Variants in CATSPERE observed in about 807,000 individuals in gnomAD.
CATSPERE encodes catsper channel auxiliary subunit epsilon, also known as cation channel sperm-associated auxiliary subunit epsilon.
A neutral mutation model predicts 114.1 loss-of-function variants in CATSPERE; 93 were observed. The observed-to-expected ratio is 0.81, with a 90% CI of 0.69 to 0.97. CATSPERE has a LOEUF of 0.97. CATSPERE is among the 50% of genes least tolerant of loss of function. CATSPERE has a pLI of 0.00. For missense variants in CATSPERE, 1,058 were observed against 1,131.6 expected, an observed-to-expected ratio of 0.93 and a Z score of 0.93; for synonymous variants, 341 against 384.1, an observed-to-expected ratio of 0.89 and a Z score of 1.31.
chr1:244,534,553 A>G (rs1207409337), intron 8 of CATSPERE, among the ~76,000 whole-genome samples: 2 of 152,092 alleles, frequency 1.3e-5, no homozygotes, highest in East Asian at 3.9e-4. Flanking sequence ...TGCTATTAAG[A>G]GACTCCGATG....
At chr1:244,478,371 T>C (rs1355066013) in intron 4 of CATSPERE, among the ~76,000 whole-genome samples, 1 of 152,158 alleles carries the variant, frequency 6.6e-6, no homozygotes, top group Non-Finnish European at 1.5e-5. Context: ...GAAGAAAACA[T>C]GAGAATGCAA....
rs67320193 is a variant in CATSPERE at position 244,543,637 on chromosome 1, A to AATAT, written c.537-8674_537-8671dup. Among the ~76,000 whole-genome samples the AATAT allele has an allele frequency of 5.4e-3, 792 of 145,616 alleles. 2 individuals carry two copies. The highest frequency in any genetic ancestry group is 0.013 in the East Asian group (68 of 5,070). The stretch of plus-strand genomic sequence containing the variant: ...TATCTTTATTTTAAATTTTATTTTA[A>AATAT]ATATATATATATATTTATATATATA... On this transcript the variant is annotated intron_variant, in intron 8 of 21. Transcript: ENST00000366534.
chr1:244,557,120 T>C (rs1030651016), intron 9 of CATSPERE, among the ~76,000 whole-genome samples: 7 of 152,196 alleles, frequency 4.6e-5, no homozygotes, highest in African/African-American at 1.7e-4. Flanking sequence ...TTTTGATTGC[T>C]ATAGCTTTGT....
intron 8 of CATSPERE, among the ~76,000 whole-genome samples, chr1:244,540,853 A>T (rs1270093004): frequency 1.3e-5 from 1 of 75,862 alleles, no homozygotes; most frequent in Non-Finnish European, 3.0e-5. Flanking sequence ...ATAACGCTGC[A>T]TATCTACAAC....
intron 11 of CATSPERE, among the ~76,000 whole-genome samples, chr1:244,581,225 A>G (rs1466574751): frequency 6.6e-6 from 1 of 152,096 alleles, no homozygotes; most frequent in Non-Finnish European, 1.5e-5. Context: ...ATGAAAGTCC[A>G]TGTTGTTTTC....
chr1:244,515,579 A>G (rs1360276265), intron 7 of CATSPERE, among the ~76,000 whole-genome samples: 1 of 152,210 alleles, frequency 6.6e-6, no homozygotes, highest in Non-Finnish European at 1.5e-5. Flanking sequence ...GAGATCACGT[A>G]GGAAGAGAAT....
chr1:244,572,838 T>C (rs1444092492), intron 11 of CATSPERE, 66 bp downstream of exon 11: 8 of 1,074,326 alleles, frequency 7.4e-6, no homozygotes, highest in Admixed American at 6.5e-5. Flanking sequence ...ATTAACATTT[T>C]TGTAAATGGA....
intron 2 of CATSPERE, 48 bp from the exon 3 acceptor site, chr1:244,477,493 A>G: frequency 9.2e-7 from 1 of 1,086,372 alleles, no homozygotes; most frequent in Non-Finnish European, 1.4e-6. Context: ...CCCTGAGGTG[A>G]AAAGTTTGAA....
At chr1:244,563,854 T>C (rs1662983188) in intron 10 of CATSPERE, among the ~76,000 whole-genome samples, 2 of 152,192 alleles carry the variant, frequency 1.3e-5, no homozygotes, top group African/African-American at 4.8e-5. Context: ...TGAATGGTAT[T>C]GCCTAGGTTT....
intron 17 of CATSPERE, among the ~76,000 whole-genome samples, chr1:244,598,068 A>G (rs1668681803): frequency 6.6e-6 from 1 of 152,204 alleles, no homozygotes; most frequent in Non-Finnish European, 1.5e-5. Flanking sequence ...TTTTTCCAGT[A>G]TTAAAATATA....
chr1:244,580,561 A>G (rs902960027), intron 11 of CATSPERE, among the ~76,000 whole-genome samples: 31 of 152,276 alleles, frequency 2.0e-4, no homozygotes, highest in Middle Eastern at 3.4e-3. Flanking sequence ...AATTTAGCAA[A>G]TTATTGTAAA....
chr1:244,522,869 G>C (rs1677833227), intron 8 of CATSPERE, among the ~76,000 whole-genome samples: 1 of 152,176 alleles, frequency 6.6e-6, no homozygotes, highest in Middle Eastern at 3.4e-3. Flanking sequence ...AAAGAGTCCA[G>C]GACCAGATGG....
intron 9 of CATSPERE, among the ~76,000 whole-genome samples, chr1:244,554,066 C>A (rs541625109): frequency 8.5e-5 from 13 of 152,290 alleles, no homozygotes; most frequent in Admixed American, 8.5e-4. Context: ...TTTATCCACT[C>A]ATCCATTGAT....
In CATSPERE at chr1:244,499,084, G is replaced by A; in HGVS notation, c.429+5G>A. On this transcript the variant is annotated splice_donor_5th_base_variant and intron_variant, in intron 7 of 21. Transcript: ENST00000366534. ...AATGCAGAAGAACCTTCAATAGTAGGTGGAAACATTAGTATCGTCATAGTA... is the reference window on the plus strand; with the variant it reads ...AATGCAGAAGAACCTTCAATAGTAGATGGAAACATTAGTATCGTCATAGTA... 1.2e-6 allele frequency: 2 copies of A among 1,600,200 alleles called. No individual in the cohort carries two copies. The highest frequency in any genetic ancestry group is 1.7e-6 in the Non-Finnish European group (2 of 1,167,864).
intron 17 of CATSPERE, 54 bp downstream of exon 17, chr1:244,593,632 G>C: frequency 6.9e-7 from 1 of 1,446,596 alleles, no homozygotes; most frequent in Non-Finnish European, 9.6e-7. Context: ...CAAACTCAAA[G>C]CACGAAAACA....
intron 19 of CATSPERE, among the ~76,000 whole-genome samples, chr1:244,610,832 C>T (rs1670627036): frequency 6.6e-6 from 1 of 151,350 alleles, no homozygotes; most frequent in Non-Finnish European, 1.5e-5. Context: ...ACAATCTCTG[C>T]TCACTGCAAC....
At chr1:244,511,419 T>C (rs1298117916) in intron 7 of CATSPERE, among the ~76,000 whole-genome samples, 1 of 152,192 alleles carries the variant, frequency 6.6e-6, no homozygotes, top group East Asian at 1.9e-4. Context: ...CCATTCAGCC[T>C]GTAAATGTCA....
intron 7 of CATSPERE, chr1:244,515,457 T>G (rs1480754133): frequency 3.8e-6 from 1 of 261,722 alleles, no homozygotes; most frequent in Admixed American, 6.5e-5. Flanking sequence ...AAGTCACGAT[T>G]AATAATCTAA....
At chr1:244,559,590 ATAC>A (rs1662230625) in intron 9 of CATSPERE, among the ~76,000 whole-genome samples, 1 of 152,214 alleles carries the variant, frequency 6.6e-6, no homozygotes, top group South Asian at 2.1e-4. Flanking sequence ...CAGTTTCTGA[ATAC>A]TAGCAGCCTA....
Sources: gnomAD v4.1 joint callset for allele counts (sites outside exome capture counted in the v4.1 genomes callset) on GRCh38, gnomAD v4.1.1 for gene constraint, MANE v1.5 for transcripts, NCBI Gene and HGNC (gene_info 2026-07-23, HGNC 2026-07-21) for gene names.